The following PTPRM variants were observed in gnomAD, a reference collection of about 807,000 sequenced individuals.
PTPRM encodes protein tyrosine phosphatase receptor type M.
PTPRM carries 47 observed loss-of-function variants against 186.7 expected under a neutral mutation model. The observed-to-expected ratio is 0.25, with a 90% CI of 0.20 to 0.32. The LOEUF is 0.32. PTPRM is among the 10% of genes least tolerant of loss of function. PTPRM has a pLI of 1.00. For missense variants in PTPRM, 1,494 were observed against 1,865.0 expected, an observed-to-expected ratio of 0.80 and a Z score of 3.66; for synonymous variants, 668 against 674.9, an observed-to-expected ratio of 0.99 and a Z score of 0.16.
At chr18:7,993,423 A>G (rs948485447) in intron 7 of PTPRM, among the ~76,000 whole-genome samples, 18 of 152,248 alleles carry the variant, frequency 1.2e-4, no homozygotes, top group Middle Eastern at 3.4e-3. Context: ...TTTGAGGCAC[A>G]TTATAGTTAA....
intron 19 of PTPRM, among the ~76,000 whole-genome samples, chr18:8,287,058 C>T (rs967782181): frequency 6.0e-5 from 9 of 151,124 alleles, no homozygotes; most frequent in South Asian, 4.2e-4. Context: ...TTTAAAACTT[C>T]ACAGCTCTCC....
At chr18:7,779,002 C>T (rs1003968203) in intron 2 of PTPRM, among the ~76,000 whole-genome samples, 1 of 152,126 alleles carries the variant, frequency 6.6e-6, no homozygotes, top group African/African-American at 2.4e-5. Flanking sequence ...TGTACTTGTA[C>T]CTCAGTGTTC....
chr18:8,360,397 C>CA (rs56326887), intron 23 of PTPRM, among the ~76,000 whole-genome samples: 72,862 of 151,444 alleles, frequency 0.48, 17,691 homozygotes, highest in South Asian at 0.56. Context: ...GAAATCTATG[C>CA]AAAAAAAACC....
intron 1 of PTPRM, among the ~76,000 whole-genome samples, chr18:7,689,413 C>G (rs931082530): frequency 1.1e-4 from 16 of 152,304 alleles, no homozygotes; most frequent in Admixed American, 2.0e-4. Flanking sequence ...CGGCCCACCC[C>G]ATGTCTCTTT....
chr18:8,023,137 G>T (rs1398404455), intron 7 of PTPRM, among the ~76,000 whole-genome samples: 6 of 152,086 alleles, frequency 3.9e-5, no homozygotes, highest in African/African-American at 1.4e-4. Flanking sequence ...CCAGGGCATT[G>T]TAAGTGACAG....
chr18:7,690,132 T>C (rs1250646864), intron 1 of PTPRM, among the ~76,000 whole-genome samples: 2 of 152,230 alleles, frequency 1.3e-5, no homozygotes, highest in Non-Finnish European at 2.9e-5. Flanking sequence ...TTGTGATAGA[T>C]GATCTGTATA....
intron 2 of PTPRM, chr18:7,815,072 A>G (rs1248895831): frequency 6.6e-6 from 1 of 152,156 alleles, no homozygotes; most frequent in African/African-American, 2.4e-5. Context: ...AGATAGTATC[A>G]AGGAACTGAA....
intron 22 of PTPRM, among the ~76,000 whole-genome samples, chr18:8,339,320 A>G (rs1034813860): frequency 6.6e-6 from 1 of 151,990 alleles, no homozygotes; most frequent in African/African-American, 2.4e-5. Flanking sequence ...CTGGCCTGAT[A>G]TTATAGAAAT....
chr18:7,765,769 A>G (rs2041988751), intron 1 of PTPRM, among the ~76,000 whole-genome samples: 1 of 152,202 alleles, frequency 6.6e-6, no homozygotes, highest in African/African-American at 2.4e-5. Context: ...TGAGAGACCC[A>G]TTTAATACTT....
intron 13 of PTPRM, among the ~76,000 whole-genome samples, chr18:8,124,601 G>A (rs2092280150): frequency 6.6e-6 from 1 of 152,126 alleles, no homozygotes; most frequent in African/African-American, 2.4e-5. Context: ...TGAAAAATTG[G>A]TATCATACTT....
chr18:8,321,339 G>A (rs942174662), intron 22 of PTPRM, among the ~76,000 whole-genome samples: 5 of 152,010 alleles, frequency 3.3e-5, no homozygotes, highest in Admixed American at 2.0e-4. Context: ...GTGACTAAAC[G>A]AACAGCTAAA....
chr18:8,066,796 T>C (rs1294563482), intron 7 of PTPRM, among the ~76,000 whole-genome samples: 2 of 152,214 alleles, frequency 1.3e-5, no homozygotes, highest in Non-Finnish European at 2.9e-5. Flanking sequence ...CTCATGACAA[T>C]AGGCAATTTA....
chr18:7,762,947 C>G (rs2041844740), intron 1 of PTPRM, among the ~76,000 whole-genome samples: 1 of 152,184 alleles, frequency 6.6e-6, no homozygotes, highest in African/African-American at 2.4e-5. Flanking sequence ...CCTCTAAGTT[C>G]AATCTTCCCT....
At chr18:8,176,974 C>T (rs190671676) in intron 14 of PTPRM, among the ~76,000 whole-genome samples, 75 of 152,280 alleles carry the variant, frequency 4.9e-4, no homozygotes, top group Admixed American at 2.5e-3. Flanking sequence ...TCTTTTGACC[C>T]TCCTTTTTTC....
At chr18:7,963,800 G>A (rs1055689432) in intron 7 of PTPRM, among the ~76,000 whole-genome samples, 2 of 152,178 alleles carry the variant, frequency 1.3e-5, no homozygotes, top group African/African-American at 4.8e-5. Flanking sequence ...CAGGTCATCA[G>A]TCGCTGTCAG....
chr18:8,307,080 G>GACGC (rs1299031851), intron 20 of PTPRM, among the ~76,000 whole-genome samples: 6 of 152,178 alleles, frequency 3.9e-5, no homozygotes, highest in African/African-American at 1.4e-4. Flanking sequence ...TTTGAGAGAG[G>GACGC]ACGCGTAAGA....
intron 14 of PTPRM, among the ~76,000 whole-genome samples, chr18:8,213,579 G>A (rs918285482): frequency 1.3e-5 from 2 of 152,162 alleles, no homozygotes; most frequent in Non-Finnish European, 2.9e-5. Context: ...TTCTGGTGGT[G>A]ACAGTTGGTG....
intron 5 of PTPRM, among the ~76,000 whole-genome samples, chr18:7,941,673 T>C (rs1284126495): frequency 6.6e-6 from 1 of 152,248 alleles, no homozygotes; most frequent in East Asian, 1.9e-4. Context: ...AATAGCCTTG[T>C]GCCAAGGCAC....
chr18:7,991,256 AG>A (rs1423026635), intron 7 of PTPRM, among the ~76,000 whole-genome samples: 1 of 152,184 alleles, frequency 6.6e-6, no homozygotes, highest in Non-Finnish European at 1.5e-5. Context: ...AATGCAAAAT[AG>A]GGGATGTCAT....
Sources: allele counts gnomAD v4.1 joint callset (sites outside exome capture counted in the v4.1 genomes callset), GRCh38; gene constraint gnomAD v4.1.1; transcripts MANE v1.5; gene names NCBI Gene and HGNC (gene_info 2026-07-23, HGNC 2026-07-21).